Variants in ENOX1 observed in about 807,000 individuals in gnomAD.
The protein encoded by ENOX1 is ecto-NOX disulfide-thiol exchanger 1.
ENOX1 carries 42 observed loss-of-function variants against 82.5 expected under a neutral mutation model. The ratio of observed to expected loss-of-function variants is 0.51; its 90% CI spans 0.40 to 0.66. ENOX1 has a LOEUF of 0.66. Among genes scored for constraint, ENOX1 ranks in the 30% least tolerant of loss-of-function variants. The pLI, the probability that ENOX1 is intolerant of heterozygous loss-of-function variation, is 0.00. For synonymous variants in ENOX1, 271 were observed against 282.2 expected (o/e 0.96, Z 0.40); for missense variants, 608 against 811.6 (o/e 0.75, Z 3.05).
At chr13:43,380,980 C>T (rs1353239055) in intron 5 of ENOX1, among the ~76,000 whole-genome samples, 1 of 151,752 alleles carries the variant, frequency 6.6e-6, no homozygotes. Context: ...CAACAACCCT[C>T]TCTTAATAAT....
chr13:43,569,343 T>G (rs1341702724), intron 2 of ENOX1, among the ~76,000 whole-genome samples: 1 of 152,112 alleles, frequency 6.6e-6, no homozygotes, highest in Non-Finnish European at 1.5e-5. Context: ...GAGAGGTGAA[T>G]GGATGGTAGG....
intron 1 of ENOX1, among the ~76,000 whole-genome samples, chr13:43,697,580 A>G (rs1325619359): frequency 1.3e-5 from 2 of 152,196 alleles, no homozygotes; most frequent in African/African-American, 2.4e-5. Context: ...CAGGCTAGCC[A>G]TATCAGGACA....
chr13:43,437,603 A>G (rs1174474348), intron 3 of ENOX1, among the ~76,000 whole-genome samples: 1 of 152,224 alleles, frequency 6.6e-6, no homozygotes, highest in African/African-American at 2.4e-5. Flanking sequence ...TGATTTTCAC[A>G]TATTAGAAGT....
In ENOX1 at chr13:43,506,474, T is replaced by C. The variant is rs540293207; in HGVS notation, c.-218-22322A>G. 4.9e-5 allele frequency among the ~76,000 whole-genome samples: 7 copies of C among 143,290 alleles called. No homozygotes were observed. The East Asian group carries it at 1.4e-3, about 28-fold the overall frequency. 94.0% of individuals were successfully genotyped at this position (143,290 alleles called of 152,430 possible). The stretch of plus-strand genomic sequence containing the variant: ...CTAGAAATACCATTTGACCCAGCCA[T>C]CCCATTACTGGGTATATACCCAAAG... On this transcript the variant is annotated intron_variant, in intron 2 of 16. Transcript: ENST00000690772.
intron 3 of ENOX1, among the ~76,000 whole-genome samples, chr13:43,431,878 A>T (rs891285606): frequency 5.0e-4 from 76 of 152,232 alleles, no homozygotes; most frequent in African/African-American, 1.8e-3. Flanking sequence ...AAACCAACCA[A>T]TCCAGATCCC....
At chr13:43,739,116 C>A (rs746649549) in intron 1 of ENOX1, among the ~76,000 whole-genome samples, 8 of 152,216 alleles carry the variant, frequency 5.3e-5, no homozygotes, top group Non-Finnish European at 1.0e-4. Flanking sequence ...TGTTCACTAA[C>A]AATCTTACAC....
intron 8 of ENOX1, among the ~76,000 whole-genome samples, chr13:43,347,808 A>G (rs921728753): frequency 1.3e-5 from 2 of 152,372 alleles, no homozygotes; most frequent in East Asian, 3.9e-4. Context: ...ATGCTCAGGC[A>G]TAACTCTGAA....
intron 14 of ENOX1, among the ~76,000 whole-genome samples, chr13:43,264,858 G>A (rs1047004273): frequency 3.9e-5 from 6 of 152,208 alleles, no homozygotes; most frequent in Admixed American, 3.3e-4. Flanking sequence ...GGAAGTCACG[G>A]TGTAACTGGG....
intron 12 of ENOX1, among the ~76,000 whole-genome samples, chr13:43,297,266 A>G (rs1266256035): frequency 6.6e-6 from 1 of 152,124 alleles, no homozygotes; most frequent in East Asian, 1.9e-4. Context: ...ATGTATCTGT[A>G]GTAGTTACCT....
intron 3 of ENOX1, among the ~76,000 whole-genome samples, chr13:43,451,023 A>T (rs1425910471): frequency 6.6e-6 from 1 of 152,204 alleles, no homozygotes; most frequent in East Asian, 1.9e-4. Context: ...ATTTTGATTC[A>T]TTAAATCAGG....
chr13:43,523,076 T>C (rs1346452432), intron 2 of ENOX1, among the ~76,000 whole-genome samples: 7 of 152,136 alleles, frequency 4.6e-5, no homozygotes, highest in Non-Finnish European at 7.4e-5. Context: ...TAAAGTTCAA[T>C]AGTAATTCCT....
chr13:43,335,761 A>T (rs2048666103), intron 9 of ENOX1, among the ~76,000 whole-genome samples: 1 of 145,750 alleles, frequency 6.9e-6, no homozygotes, highest in South Asian at 2.2e-4. Flanking sequence ...ACTGAAAGGA[A>T]GGATACCAAA....
chr13:43,338,545 C>T (rs1017575773), intron 9 of ENOX1, among the ~76,000 whole-genome samples: 23 of 151,916 alleles, frequency 1.5e-4, no homozygotes, highest in Non-Finnish European at 2.9e-5. Context: ...GAGGAGAAAG[C>T]CCCAGGTGCC....
rs139894199 is a variant in ENOX1, at chr13:43,431,544, C to T, written c.-74-18556G>A. Among the ~76,000 whole-genome samples the T allele has an allele frequency of 4.3e-3, 650 of 152,232 alleles. 3 individuals carry two copies. Among genetic ancestry groups the T allele is most frequent in the Non-Finnish European group, 6.5e-3 (445 of 68,024 alleles). ...TTATTTCTTTGATAAATTAGTCATC[C>T]ATGAGGGCACACTTATTTTTAACCT... On this transcript the variant is annotated intron_variant, in intron 3 of 16. Transcript: ENST00000690772.
At chr13:43,659,563 T>G (rs2084618331) in intron 2 of ENOX1, among the ~76,000 whole-genome samples, 1 of 152,166 alleles carries the variant, frequency 6.6e-6, no homozygotes, top group South Asian at 2.1e-4. Context: ...CATGCTTTAG[T>G]TTTTTTCTCT....
chr13:43,671,758 T>C (rs1316154630), intron 1 of ENOX1, among the ~76,000 whole-genome samples: 3 of 152,102 alleles, frequency 2.0e-5, no homozygotes. Context: ...GAGCTGTGTC[T>C]GGATAGAGCT....
chr13:43,568,822 T>A (rs866138569), intron 2 of ENOX1, among the ~76,000 whole-genome samples: 1 of 151,916 alleles, frequency 6.6e-6, no homozygotes, highest in African/African-American at 2.4e-5. Context: ...AGAAGGCAAA[T>A]GGATTTCATT....
chr13:43,411,870 C>G (rs1450989850), intron 5 of ENOX1, 46 bp downstream of exon 5: 1 of 1,609,502 alleles, frequency 6.2e-7, no homozygotes, highest in Non-Finnish European at 8.5e-7. Context: ...TCACCTACAC[C>G]CTTCGGCACT....
intron 2 of ENOX1, among the ~76,000 whole-genome samples, chr13:43,538,514 G>A (rs1265849750): frequency 6.6e-6 from 1 of 152,080 alleles, no homozygotes; most frequent in East Asian, 1.9e-4. Flanking sequence ...GTAATCATGT[G>A]CTTTTTCTTC....
Sources: gnomAD v4.1 joint callset for allele counts (sites outside exome capture counted in the v4.1 genomes callset) on GRCh38, gnomAD v4.1.1 for gene constraint, MANE v1.5 for transcripts, NCBI Gene and HGNC (gene_info 2026-07-23, HGNC 2026-07-21) for gene names.